Variants in ADCY1 observed in about 807,000 individuals in gnomAD.
The protein encoded by ADCY1 is adenylate cyclase 1.
In ADCY1, 28 loss-of-function variants were observed where a neutral mutation model predicts 105.4. That is an observed-to-expected ratio of 0.27 (90% CI 0.20 to 0.36). ADCY1 has a LOEUF of 0.36. Among genes scored for constraint, ADCY1 ranks in the 10% least tolerant of loss-of-function variants. The pLI is 1.00. For synonymous variants in ADCY1, 655 were observed against 623.8 expected (o/e 1.05, Z -0.75); for missense variants, 977 against 1,434.2 (o/e 0.68, Z 5.15).
In ADCY1 at chr7:45,714,022, C is replaced by T. The variant is rs762958030; in HGVS notation, c.*27C>T. The T allele has an allele frequency of 8.0e-6, 6 of 753,800 alleles. No individual in the cohort carries two copies. Among genetic ancestry groups the T allele is most frequent in the South Asian group, 1.4e-5 (1 of 71,276 alleles). The allele number at this position is 753,800 out of a possible 1,614,324, so 46.7% of individuals were successfully genotyped here. On this transcript the variant is annotated 3_prime_UTR_variant, in exon 20 of 20. Transcript: ENST00000297323. ...GGAGCCCACGTGGGCCTCTGGGGTG[C>T]ACATGGGGTGGGAATGCTCCGGGGG...
At chr7:45,615,610 A>AAAAC (rs1354009219) in intron 3 of ADCY1, among the ~76,000 whole-genome samples, 1 of 152,206 alleles carries the variant, frequency 6.6e-6, no homozygotes, top group Non-Finnish European at 1.5e-5. Context: ...TCAACAAAAC[A>AAAAC]AAACAAACAA....
chr7:45,650,219 C>T (rs1228716182), intron 5 of ADCY1, among the ~76,000 whole-genome samples: 1 of 152,042 alleles, frequency 6.6e-6, no homozygotes, highest in Non-Finnish European at 1.5e-5. Context: ...TCACATATAT[C>T]ACATATCACA....
At chr7:45,649,175 G>C (rs1378023110) in intron 5 of ADCY1, among the ~76,000 whole-genome samples, 4 of 152,208 alleles carry the variant, frequency 2.6e-5, no homozygotes, top group Non-Finnish European at 4.4e-5. Flanking sequence ...AAGTAAATAT[G>C]TGTGTTTCTC....
At chr7:45,579,975 CA>C (rs1792480230) in intron 1 of ADCY1, among the ~76,000 whole-genome samples, 1 of 151,634 alleles carries the variant, frequency 6.6e-6, no homozygotes, top group Non-Finnish European at 1.5e-5. Flanking sequence ...CCCTCGCCCC[CA>C]TTTTTGTTTT....
At position 45,704,364 on chromosome 7, in the gene ADCY1, G is replaced by A. The variant is rs143501811; in HGVS notation, c.2719-154G>A. The stretch of plus-strand genomic sequence containing the variant: ...TGTCCTGCCTCACCTCTTCTTGCCA[G>A]TGTAGTCCTAGAACTTGTCTGCCCA... On this transcript the variant is annotated intron_variant, in intron 16 of 19. Transcript: ENST00000297323. Among the ~76,000 whole-genome samples the A allele has an allele frequency of 2.3e-3, 356 of 152,344 alleles. 2 individuals carry two copies. The highest frequency in any genetic ancestry group is 8.1e-3 in the African/African-American group (335 of 41,588).
intron 4 of ADCY1, among the ~76,000 whole-genome samples, chr7:45,630,240 G>C (rs889495364): frequency 6.6e-6 from 1 of 152,144 alleles, no homozygotes; most frequent in Non-Finnish European, 1.5e-5. Context: ...AGTGTTGTTT[G>C]AAGAGCAGAA....
intron 1 of ADCY1, among the ~76,000 whole-genome samples, chr7:45,588,821 C>T (rs1463904412): frequency 3.3e-5 from 5 of 152,064 alleles, no homozygotes; most frequent in Non-Finnish European, 7.3e-5. Context: ...ATTGGGGGCT[C>T]TTTCAGTTGG....
rs2116306786 is a variant in ADCY1, at chr7:45,720,166, G to C, written c.*6171G>C. On this transcript the variant is annotated 3_prime_UTR_variant, in exon 20 of 20. Coordinates refer to ENST00000297323, the MANE Select transcript of ADCY1 (RefSeq NM_021116.4). ...GCAGTGGAAGAGCAACAACAGACAGGTGACCTTCTTGGGTTGTGCTTCACA... is the reference window on the plus strand; with the variant it reads ...GCAGTGGAAGAGCAACAACAGACAGCTGACCTTCTTGGGTTGTGCTTCACA... 6.6e-6 allele frequency: 1 copy of C among 152,174 alleles called. No individual in the cohort carries two copies. The highest frequency in any genetic ancestry group is 2.4e-5 in the African/African-American group (1 of 41,500). 9.4% of individuals were successfully genotyped at this position (152,174 alleles called of 1,614,324 possible).
chr7:45,653,865 A>G (rs1293218245), intron 5 of ADCY1, among the ~76,000 whole-genome samples: 2 of 152,150 alleles, frequency 1.3e-5, no homozygotes, highest in African/African-American at 4.8e-5. Flanking sequence ...ATGGCATTTC[A>G]TATGGTTTCA....
chr7:45,668,700 G>A (rs2116154314), intron 8 of ADCY1, among the ~76,000 whole-genome samples: 1 of 152,344 alleles, frequency 6.6e-6, no homozygotes. Context: ...CTTTCAGAAG[G>A]AATGGTAGCA....
At chr7:45,633,256 A>G (rs1340379370) in intron 4 of ADCY1, among the ~76,000 whole-genome samples, 5 of 152,176 alleles carry the variant, frequency 3.3e-5, no homozygotes, top group African/African-American at 1.2e-4. Flanking sequence ...CTGATTGTTC[A>G]TTACTGGTAT....
rs1792643480 is a variant in ADCY1 at position 45,583,957 on chromosome 7, T to G, written c.639+8775T>G. Among the ~76,000 whole-genome samples the G allele has an allele frequency of 2.7e-5, 4 of 147,264 alleles. 1 individual carries two copies. Among genetic ancestry groups the G allele is most frequent in the African/African-American group, 1.0e-4 (4 of 39,376 alleles). On this transcript the variant is annotated intron_variant, in intron 1 of 19. Transcript: ENST00000297323. ...GCCCTGTTTTTTTTTTTTTTTTTTT[T>G]TTTTTTTTCAGACAAAGTCTCTTTC...
At chr7:45,658,680 T>C (rs1309514742) in intron 6 of ADCY1, among the ~76,000 whole-genome samples, 3 of 152,198 alleles carry the variant, frequency 2.0e-5, no homozygotes, top group Non-Finnish European at 2.9e-5. Flanking sequence ...TCATTGCTGA[T>C]GGAATGGATG....
intron 4 of ADCY1, 47 bp downstream of exon 4, chr7:45,622,790 TGGAGTGACGATAA>T: frequency 6.7e-7 from 1 of 1,483,842 alleles, no homozygotes; most frequent in Non-Finnish European, 9.3e-7. Flanking sequence ...GAATTGCTTC[TGGAGTGACGATAA>T]GCCAGGTGGA....
intron 8 of ADCY1, among the ~76,000 whole-genome samples, chr7:45,665,468 C>CT (rs2116142807): frequency 6.6e-6 from 1 of 152,376 alleles, no homozygotes; most frequent in African/African-American, 2.4e-5. Flanking sequence ...GTTGTCTCCT[C>CT]TAATAGGTAC....
upstream of ADCY1, chr7:45,574,335 G>A (rs1283469376): frequency 2.3e-5 from 4 of 172,600 alleles, no homozygotes; most frequent in Non-Finnish European, 4.4e-5. The surrounding 1 kb of genome is among the most constrained non-coding windows in gnomAD (Gnocchi z 7.0). Flanking sequence ...GGCGCGGGCG[G>A]GCTCCAGTGC....
intron 14 of ADCY1, among the ~76,000 whole-genome samples, chr7:45,697,869 G>A (rs1784916668): frequency 6.6e-6 from 1 of 152,294 alleles, no homozygotes; most frequent in South Asian, 2.1e-4. Flanking sequence ...GTCAGAAACA[G>A]AGCCAGCCTC....
At chr7:45,593,019 C>T in intron 2 of ADCY1, 111 bp downstream of exon 2, 2 of 1,414,290 alleles carry the variant, frequency 1.4e-6, no homozygotes, top group Non-Finnish European at 1.9e-6. Context: ...GGCCACAATT[C>T]CCATTGGTAC....
Position 45,648,733 on chromosome 7 carries a change from C to A in ADCY1, c.1084C>A (p.Gln362Lys). ...CTACTACTGCGTGTCGGGCCTCACC[C>A]AGCCCAAGACTGACCATGCCCACTG... Reference protein sequence around the residue: ...DCYYCVSGLTQPKTDHAHCCV... With the variant: ...DCYYCVSGLTKPKTDHAHCCV... The change falls in exon 5 of 20, where the codon CAG becomes AAG. Residue 362 changes from glutamine (Q) to lysine (K), a missense_variant. Physicochemically the swap from Gln to Lys is moderately conservative, Grantham distance 53. Around this residue, in one of 7 missense-constraint regions of ADCY1, gnomAD observed 196 missense variants for 347.8 expected, o/e 0.56. Coordinates refer to ENST00000297323, the MANE Select transcript of ADCY1 (RefSeq NM_021116.4). The A allele has an allele frequency of 3.7e-6, 6 of 1,614,194 alleles. No homozygotes were observed. Among genetic ancestry groups the A allele is most frequent in the Non-Finnish European group, 5.1e-6 (6 of 1,180,030 alleles).
Sources: gnomAD v4.1 joint callset for allele counts (sites outside exome capture counted in the v4.1 genomes callset) on GRCh38, gnomAD v4.1.1 for gene constraint, gnomAD v4.1.1 regional missense constraint, Gnocchi (gnomAD v3.1) non-coding constraint, MANE v1.5 for transcripts, NCBI Gene and HGNC (gene_info 2026-07-23, HGNC 2026-07-21) for gene names.